The following PLXNB2 variants were observed in gnomAD, a reference collection of about 807,000 sequenced individuals.
PLXNB2 encodes the protein plexin B2.
In PLXNB2, 85 loss-of-function variants were observed where a neutral mutation model predicts 202.6. That is an observed-to-expected ratio of 0.42 (90% CI 0.35 to 0.50). The LOEUF is 0.50. Among genes scored for constraint, PLXNB2 ranks in the 20% least tolerant of loss-of-function variants. The probability of loss-of-function intolerance (pLI) is 0.02; values close to 1 mark genes in which losing one functional copy is unlikely to be tolerated. For missense variants in PLXNB2, 2,063 were observed against 2,586.2 expected (o/e 0.80, Z 4.39); for synonymous variants, 1,239 against 1,137.6 (o/e 1.09, Z -1.79).
At chr22:50,301,650 AC>A (rs1555928725) in intron 1 of PLXNB2, among the ~76,000 whole-genome samples, 1 of 151,804 alleles carries the variant, frequency 6.6e-6, no homozygotes, top group Non-Finnish European at 1.5e-5. Context: ...CTGCTCAGAG[AC>A]CAGGTCCTGC....
chr22:50,303,918 G>C (rs966600999), intron 1 of PLXNB2, among the ~76,000 whole-genome samples: 3 of 152,224 alleles, frequency 2.0e-5, no homozygotes, highest in Non-Finnish European at 4.4e-5. Context: ...GAGACCTTAG[G>C]GGGCTGAGGA....
rs771542366 is a variant in PLXNB2 at position 50,290,513 on chromosome 22, C to T, written c.72G>A (p.Lys24=). The T allele has an allele frequency of 3.7e-6, 6 of 1,612,482 alleles. No individual in the cohort carries two copies. The highest frequency in any genetic ancestry group is 1.1e-5 in the South Asian group (1 of 91,070). The change falls in exon 3 of 37, where the codon AAG becomes AAA. Residue 24 remains lysine, a synonymous_variant. Coordinates refer to ENST00000359337, the MANE Select transcript of PLXNB2 (RefSeq NM_012401.4). ...CTTTCTCGCTGCGGAAGAAGTCCAG[C>T]TTGCGGGGCCTCAGGCTGGCACCTG... is the stretch of plus-strand genomic sequence containing the variant. ...LGAGASLRPR[K]LDFFRSEKEL...
Position 50,277,830 on chromosome 22 carries a change from G to A in PLXNB2, c.5048+23C>T, listed in dbSNP as rs202100308. ...TGAGAGGCGGAGCCGGGGCTGGGCCGCGGGGTGGGTGTGGAGCCTCACCTG... is the reference window on the plus strand; with the variant it reads ...TGAGAGGCGGAGCCGGGGCTGGGCCACGGGGTGGGTGTGGAGCCTCACCTG... On this transcript the variant is annotated intron_variant, in intron 32 of 36. Coordinates refer to ENST00000359337, the MANE Select transcript of PLXNB2 (RefSeq NM_012401.4). The A allele has an allele frequency of 2.6e-4, 423 of 1,608,088 alleles. 2 individuals are homozygous for A. In the South Asian group the frequency reaches 3.1e-3, roughly 12 times the overall value.
At chr22:50,282,967 G>T in intron 17 of PLXNB2, 83 bp downstream of exon 17, 1 of 1,565,116 alleles carries the variant, frequency 6.4e-7, no homozygotes. Context: ...CATCCCCTCA[G>T]GGCCACTCAG....
Position 50,284,382 on chromosome 22 carries a change from C to T in PLXNB2, c.2182-169G>A, listed in dbSNP as rs2066263232. On this transcript the variant is annotated intron_variant, in intron 12 of 36. Transcript: ENST00000359337. The surrounding 1 kb of genome is among the most constrained non-coding windows in gnomAD (Gnocchi z 8.0). Reference sequence around the variant, plus strand: ...GGAACCCCATGGACGCTGCTCTGTGCCACTCTGTCCCCAGGGAGGCAGAGG... The same window carrying T: ...GGAACCCCATGGACGCTGCTCTGTGTCACTCTGTCCCCAGGGAGGCAGAGG... 1.1e-5 allele frequency: 8 copies of T among 731,864 alleles called. No homozygotes were observed. The highest frequency in any genetic ancestry group is 1.9e-5 in the Non-Finnish European group (8 of 431,200). 45.3% of individuals were successfully genotyped at this position (731,864 alleles called of 1,614,324 possible).
intron 1 of PLXNB2, among the ~76,000 whole-genome samples, chr22:50,296,738 G>A (rs1244009296): frequency 2.0e-5 from 3 of 152,088 alleles, no homozygotes; most frequent in Non-Finnish European, 4.4e-5. Context: ...AGGCCCCAGA[G>A]TCCACTGCAG....
intron 1 of PLXNB2, chr22:50,300,331 C>T (rs2067604058): frequency 1.0e-6 from 1 of 985,378 alleles, no homozygotes; most frequent in Non-Finnish European, 1.2e-6. Context: ...TCCTCCGAGC[C>T]GTGGAAGGGG....
Position 50,279,988 on chromosome 22 carries a change from G to C in PLXNB2, c.4242+17C>G. On this transcript the variant is annotated intron_variant, in intron 26 of 36. Transcript: ENST00000359337. ...GCCTCATCCCTCAAGCCCCAGCCAGGCTGGGGTGGAACCCACCTTGAGGTA... is the reference window on the plus strand; with the variant it reads ...GCCTCATCCCTCAAGCCCCAGCCAGCCTGGGGTGGAACCCACCTTGAGGTA... The C allele has an allele frequency of 6.3e-7, 1 of 1,589,080 alleles. No individual in the cohort carries two copies. The highest frequency in any genetic ancestry group is 1.3e-5 in the African/African-American group (1 of 74,394).
intron 30 of PLXNB2, 49 bp from the exon 31 acceptor site, chr22:50,278,320 GGTCCCA>G (rs2065757311): frequency 6.2e-7 from 1 of 1,600,292 alleles, no homozygotes; most frequent in East Asian, 2.2e-5. Flanking sequence ...TGGGGGCCTG[GGTCCCA>G]CAGGGAGCAG....
At chr22:50,301,453 G>A (rs1203100382) in intron 1 of PLXNB2, 2 of 945,572 alleles carry the variant, frequency 2.1e-6, no homozygotes, top group Non-Finnish European at 2.5e-6. Flanking sequence ...AACTCATCAG[G>A]ACAGGACATG....
At chr22:50,287,843 G>A (rs376857703) in intron 6 of PLXNB2, 50 bp from the exon 7 acceptor site, 28 of 1,593,772 alleles carry the variant, frequency 1.8e-5, no homozygotes, top group Middle Eastern at 3.3e-4. Context: ...TTGTTCTCCC[G>A]GGACAGGACA....
intron 8 of PLXNB2, 62 bp downstream of exon 8, chr22:50,287,049 C>G: frequency 1.4e-6 from 2 of 1,417,526 alleles, no homozygotes; most frequent in South Asian, 2.9e-5. Context: ...GGCGAGAGCC[C>G]GTGTGCACAG....
rs374528653 is a variant in PLXNB2 at position 50,288,054 on chromosome 22, G to A, written c.1381-17C>T. 8.5e-5 allele frequency: 131 copies of A among 1,542,898 alleles called. 3 individuals carry two copies. Among genetic ancestry groups the A allele is most frequent in the South Asian group, 8.0e-4 (67 of 83,996 alleles). On this transcript the variant is annotated splice_polypyrimidine_tract_variant and intron_variant, in intron 5 of 36. Transcript: ENST00000359337. The surrounding 1 kb of genome is among the most constrained non-coding windows in gnomAD (Gnocchi z 5.0). The stretch of plus-strand genomic sequence containing the variant: ...CCGGAACACCTAGGGCAGCGGGGCC[G>A]TGAGTGGGACCACAGCAGAGGCCGC...
rs1183143636 is a variant in PLXNB2 at position 50,288,049 on chromosome 22, G to A, written c.1381-12C>T. 15 of 1,548,834 alleles carry A rather than the reference G, an allele frequency of 9.7e-6. No homozygotes were observed. Among genetic ancestry groups the A allele is most frequent in the Admixed American group, 1.9e-5 (1 of 51,412 alleles). On this transcript the variant is annotated splice_polypyrimidine_tract_variant and intron_variant, in intron 5 of 36. Coordinates refer to ENST00000359337, the MANE Select transcript of PLXNB2 (RefSeq NM_012401.4). The surrounding 1 kb of genome is among the most constrained non-coding windows in gnomAD (Gnocchi z 5.0). The stretch of plus-strand genomic sequence containing the variant: ...GGCAGCCGGAACACCTAGGGCAGCG[G>A]GGCCGTGAGTGGGACCACAGCAGAG...
intron 1 of PLXNB2, chr22:50,300,231 G>C (rs964277182): frequency 2.1e-6 from 2 of 974,862 alleles, no homozygotes; most frequent in Non-Finnish European, 2.4e-6. Context: ...CGGCGGCGGC[G>C]ACAGTCACAC....
In PLXNB2 at chr22:50,288,627, G is replaced by A. The variant is rs1260124409; in HGVS notation, c.1380+116C>T. The A allele has an allele frequency of 6.3e-6, 9 of 1,423,752 alleles. No individual in the cohort carries two copies. The highest frequency in any genetic ancestry group is 2.5e-4 in the Middle Eastern group (1 of 3,966). The allele number at this position is 1,423,752 out of a possible 1,614,324, so 88.2% of individuals were successfully genotyped here. A position where few individuals can be genotyped will look rare whatever the true frequency, so the allele number is the denominator to read the frequency against. On this transcript the variant is annotated intron_variant, in intron 5 of 36. Coordinates refer to ENST00000359337, the MANE Select transcript of PLXNB2 (RefSeq NM_012401.4). The surrounding 1 kb of genome is among the most constrained non-coding windows in gnomAD (Gnocchi z 5.0). ...CCCCTCATCCAGACCAAGGAGAAGG[G>A]CCCAGCTCTGCAGCACCCCATCCTC...
intron 1 of PLXNB2, 109 bp from the exon 2 acceptor site, chr22:50,294,887 AC>A: frequency 4.5e-6 from 2 of 440,870 alleles, no homozygotes; most frequent in South Asian, 9.2e-5. Flanking sequence ...ATCCCACAGG[AC>A]CCCATCTGGC....
chr22:50,296,097 G>A (rs956032656), intron 1 of PLXNB2, among the ~76,000 whole-genome samples: 4 of 151,442 alleles, frequency 2.6e-5, no homozygotes, highest in African/African-American at 4.9e-5. Context: ...GTGAGACTCC[G>A]TCTCAAAAAA....
chr22:50,299,304 G>T (rs531673213), intron 1 of PLXNB2, among the ~76,000 whole-genome samples: 91 of 140,710 alleles, frequency 6.5e-4, no homozygotes, highest in Middle Eastern at 7.0e-3. Context: ...GTGGGGTGGG[G>T]GGGGGGCCCG....
Sources: gnomAD v4.1 joint callset for allele counts (sites outside exome capture counted in the v4.1 genomes callset) on GRCh38, gnomAD v4.1.1 for gene constraint, Gnocchi (gnomAD v3.1) non-coding constraint, MANE v1.5 for transcripts, NCBI Gene and HGNC (gene_info 2026-07-23, HGNC 2026-07-21) for gene names.